The following MAGI2 variants were observed in gnomAD, a reference collection of about 807,000 sequenced individuals.
MAGI2 encodes membrane-associated guanylate kinase, WW and PDZ domain-containing protein 2.
In MAGI2, 35 loss-of-function variants were observed where a neutral mutation model predicts 133.3. The observed-to-expected ratio is 0.26, with a 90% confidence interval of 0.20 to 0.35. MAGI2 has a LOEUF of 0.35. Ranked by LOEUF, MAGI2 falls within the 10% of genes least tolerant of loss-of-function variation. The probability of loss-of-function intolerance (pLI) is 1.00; values close to 1 mark genes in which losing one functional copy is unlikely to be tolerated. For synonymous variants in MAGI2, 729 were observed against 710.6 expected (o/e 1.03, Z -0.41); for missense variants, 1,636 against 1,863.4 (o/e 0.88, Z 2.25).
chr7:79,120,225 A>G (rs1819769776), intron 1 of MAGI2, among the ~76,000 whole-genome samples: 1 of 152,096 alleles, frequency 6.6e-6, no homozygotes, highest in Non-Finnish European at 1.5e-5. Flanking sequence ...TATAAAAGTC[A>G]TGTATGCAAC....
At chr7:79,205,708 T>C (rs184807060) in intron 1 of MAGI2, among the ~76,000 whole-genome samples, 1 of 151,902 alleles carries the variant, frequency 6.6e-6, no homozygotes, top group Admixed American at 6.6e-5. Context: ...AAACTGTGGC[T>C]TTAAAAATTC....
In MAGI2 at chr7:78,102,851, C is replaced by T. The variant is rs531667523; in HGVS notation, c.3567+22843G>A. Among the ~76,000 whole-genome samples, 5 of 152,308 alleles carry T rather than the reference C, an allele frequency of 3.3e-5. No individual in the cohort carries two copies. In the South Asian group the frequency reaches 6.2e-4, roughly 19 times the overall value. ...AACTGCTTTGTCTGAAACAGGGTTG[C>T]GGGTGTGAGGTGGTACGCAGCGTTC... On this transcript the variant is annotated intron_variant, in intron 20 of 21. Transcript: ENST00000354212.
intron 2 of MAGI2, among the ~76,000 whole-genome samples, chr7:78,698,832 T>C (rs1817776417): frequency 6.6e-6 from 1 of 151,972 alleles, no homozygotes; most frequent in Non-Finnish European, 1.5e-5. Context: ...GAACTCACTA[T>C]CAGAAGAACA....
At chr7:78,915,951 G>A (rs1433122258) in intron 2 of MAGI2, among the ~76,000 whole-genome samples, 1 of 151,894 alleles carries the variant, frequency 6.6e-6, no homozygotes, top group African/African-American at 2.4e-5. Flanking sequence ...TGGGGAAGGA[G>A]CCTGACAATA....
At chr7:78,764,245 A>G (rs147795581) in intron 2 of MAGI2, among the ~76,000 whole-genome samples, 2,325 of 152,254 alleles carry the variant, frequency 0.015, 57 homozygotes, top group African/African-American at 0.051. Context: ...ACCTCAATTA[A>G]AGTGATCAAT....
chr7:79,448,101 T>C (rs1216451582), intron 1 of MAGI2, among the ~76,000 whole-genome samples: 1 of 151,878 alleles, frequency 6.6e-6, no homozygotes, highest in Non-Finnish European at 1.5e-5. Context: ...AGTAAAGATA[T>C]GCGGTATGAA....
At chr7:78,578,959 C>T (rs926656191) in intron 3 of MAGI2, among the ~76,000 whole-genome samples, 5 of 152,088 alleles carry the variant, frequency 3.3e-5, no homozygotes, top group Non-Finnish European at 7.4e-5. Context: ...CACTTTTTGT[C>T]TCCATTGTGA....
At chr7:78,463,392 A>C (rs1311901149) in intron 6 of MAGI2, among the ~76,000 whole-genome samples, 1 of 152,236 alleles carries the variant, frequency 6.6e-6, no homozygotes, top group Admixed American at 6.5e-5. Context: ...AGTTCCTGGG[A>C]TAGGATGTTA....
At chr7:78,802,493 C>T (rs969589828) in intron 2 of MAGI2, among the ~76,000 whole-genome samples, 2 of 152,152 alleles carry the variant, frequency 1.3e-5, no homozygotes, top group South Asian at 2.1e-4. Context: ...CCTCTCATCA[C>T]GCACTTTACT....
At chr7:78,072,000 G>A (rs1814762139) in intron 21 of MAGI2, among the ~76,000 whole-genome samples, 1 of 152,152 alleles carries the variant, frequency 6.6e-6, no homozygotes, top group Non-Finnish European at 1.5e-5. Context: ...CTTTTATTGA[G>A]GAGGCACGTC....
intron 9 of MAGI2, among the ~76,000 whole-genome samples, chr7:78,315,886 T>G (rs1198727353): frequency 6.6e-6 from 1 of 152,208 alleles, no homozygotes; most frequent in Middle Eastern, 3.2e-3. Flanking sequence ...GGTCATTTTC[T>G]TTCTCAGTAT....
chr7:79,361,123 G>A (rs1842350892), intron 1 of MAGI2, among the ~76,000 whole-genome samples: 1 of 152,050 alleles, frequency 6.6e-6, no homozygotes, highest in African/African-American at 2.4e-5. Flanking sequence ...TTCAAAGAGG[G>A]CCACTGCATA....
intron 17 of MAGI2, 24 bp from the exon 18 acceptor site, chr7:78,133,084 A>T: frequency 6.6e-7 from 1 of 1,518,708 alleles, no homozygotes; most frequent in Non-Finnish European, 8.8e-7. Flanking sequence ...CCAAAGCGGC[A>T]GATGCAGTCA....
At chr7:78,477,929 ATTTT>A (rs11449464) in intron 6 of MAGI2, among the ~76,000 whole-genome samples, 1 of 151,286 alleles carries the variant, frequency 6.6e-6, no homozygotes, top group Non-Finnish European at 1.5e-5. Context: ...TTTTATTTTT[ATTTT>A]TTTATTATAC....
intron 3 of MAGI2, among the ~76,000 whole-genome samples, chr7:78,588,572 A>G (rs748710992): frequency 6.6e-6 from 1 of 152,290 alleles, no homozygotes; most frequent in East Asian, 1.9e-4. Flanking sequence ...TTCATGCCCA[A>G]CCCAGAGAGG....
At chr7:78,102,872 C>A (rs1490623126) in intron 20 of MAGI2, among the ~76,000 whole-genome samples, 1 of 152,176 alleles carries the variant, frequency 6.6e-6, no homozygotes, top group Non-Finnish European at 1.5e-5. Flanking sequence ...TGGTACGCAG[C>A]GTTCTGCTGA....
At chr7:79,285,885 T>C (rs1835964177) in intron 1 of MAGI2, among the ~76,000 whole-genome samples, 1 of 152,118 alleles carries the variant, frequency 6.6e-6, no homozygotes, top group African/African-American at 2.4e-5. Context: ...GCTAAGTTAA[T>C]TACTTAATGT....
chr7:78,783,012 CTTTTTTTT>C (rs11432048), intron 2 of MAGI2, among the ~76,000 whole-genome samples: 2 of 96,232 alleles, frequency 2.1e-5, no homozygotes, highest in African/African-American at 4.3e-5. Context: ...TGATTCTTAC[CTTTTTTTT>C]TTTTTTTTTT....
chr7:79,344,531 G>A (rs1333706024), intron 1 of MAGI2, among the ~76,000 whole-genome samples: 1 of 152,102 alleles, frequency 6.6e-6, no homozygotes, highest in Non-Finnish European at 1.5e-5. Flanking sequence ...CCACATAAAA[G>A]AAATAGGATT....
Sources: allele counts gnomAD v4.1 joint callset (sites outside exome capture counted in the v4.1 genomes callset), GRCh38; gene constraint gnomAD v4.1.1; transcripts MANE v1.5; gene names NCBI Gene and HGNC (gene_info 2026-07-23, HGNC 2026-07-21).